The following NPHS2 variants were observed in gnomAD, a reference collection of about 807,000 sequenced individuals.
NPHS2 encodes podocin.
In NPHS2, 36 loss-of-function variants were observed where a neutral mutation model predicts 37.1. That is an observed-to-expected ratio of 0.97 (90% CI 0.74 to 1.28). NPHS2 has a LOEUF of 1.28. Ranked by LOEUF, NPHS2 falls within the 50% of genes most tolerant of loss-of-function variation. The pLI is 0.00. For missense variants in NPHS2, 447 were observed against 488.1 expected (o/e 0.92, Z 0.79); for synonymous variants, 196 against 189.3 (o/e 1.04, Z -0.29).
At chr1:179,572,765 TC>T (rs1311710574) in intron 1 of NPHS2, among the ~76,000 whole-genome samples, 1 of 151,980 alleles carries the variant, frequency 6.6e-6, no homozygotes, top group East Asian at 1.9e-4. Context: ...CTTCTTTCCT[TC>T]CTTCCTTCCC....
At position 179,556,999 on chromosome 1, in the gene NPHS2, A is replaced by T. The variant is rs1673953762; in HGVS notation, c.738+28T>A. 1.3e-6 allele frequency: 2 copies of T among 1,533,774 alleles called. No homozygotes were observed. The highest frequency in any genetic ancestry group is 1.8e-6 in the Non-Finnish European group (2 of 1,110,760). Reference sequence around the variant, plus strand: ...ATGAATAAAAGATAAATATTTCAGCATATTGGCCATTATGTTTATCTAAGT... The same window carrying T: ...ATGAATAAAAGATAAATATTTCAGCTTATTGGCCATTATGTTTATCTAAGT... On this transcript the variant is annotated intron_variant, in intron 5 of 7. Coordinates refer to ENST00000367615, the MANE Select transcript of NPHS2 (RefSeq NM_014625.4). The surrounding 1 kb of genome is among the most constrained non-coding windows in gnomAD (Gnocchi z 4.1).
intron 1 of NPHS2, among the ~76,000 whole-genome samples, chr1:179,566,197 G>A (rs368053076): frequency 5.2e-4 from 79 of 152,170 alleles, no homozygotes; most frequent in Middle Eastern, 3.4e-3. Context: ...GTGTAAAAGC[G>A]TTCCTATTTC....
intron 1 of NPHS2, among the ~76,000 whole-genome samples, chr1:179,575,345 C>T (rs1674716020): frequency 6.6e-6 from 1 of 152,154 alleles, no homozygotes; most frequent in Non-Finnish European, 1.5e-5. Flanking sequence ...CACACTCGCT[C>T]CCCAGTCCCA....
chr1:179,571,179 G>A (rs1464914123), intron 1 of NPHS2, among the ~76,000 whole-genome samples: 1 of 152,146 alleles, frequency 6.6e-6, no homozygotes, highest in African/African-American at 2.4e-5. Flanking sequence ...TTCTGCTCTG[G>A]TTTCTCCCCA....
At chr1:179,570,369 C>T (rs1674505360) in intron 1 of NPHS2, among the ~76,000 whole-genome samples, 1 of 152,182 alleles carries the variant, frequency 6.6e-6, no homozygotes, top group South Asian at 2.1e-4. Context: ...AGCATTGTTT[C>T]TATAGATATT....
chr1:179,558,080 T>C (rs1412136720), intron 4 of NPHS2, among the ~76,000 whole-genome samples: 1 of 152,106 alleles, frequency 6.6e-6, no homozygotes, highest in Non-Finnish European at 1.5e-5. Context: ...AAAATACATA[T>C]ACCATAAAAC....
intron 3 of NPHS2, among the ~76,000 whole-genome samples, chr1:179,560,632 A>G (rs954676692): frequency 2.0e-5 from 3 of 152,030 alleles, no homozygotes; most frequent in Non-Finnish European, 4.4e-5. Flanking sequence ...ACCCTCTCCA[A>G]TATAATATAC....
At chr1:179,552,982 GC>G (rs1308964589) in intron 6 of NPHS2, among the ~76,000 whole-genome samples, 1 of 152,170 alleles carries the variant, frequency 6.6e-6, no homozygotes, top group Non-Finnish European at 1.5e-5. Context: ...TATAATCTAA[GC>G]CCCAACTAAT....
At chr1:179,572,746 TCTTC>T (rs1483358097) in intron 1 of NPHS2, among the ~76,000 whole-genome samples, 4 of 152,026 alleles carry the variant, frequency 2.6e-5, no homozygotes, top group African/African-American at 4.8e-5. Context: ...TTCCTTCCTT[TCTTC>T]CTTCCTTCTT....
intron 2 of NPHS2, among the ~76,000 whole-genome samples, chr1:179,562,700 A>C (rs1487409638): frequency 6.6e-6 from 1 of 152,232 alleles, no homozygotes; most frequent in African/African-American, 2.4e-5. Context: ...CAATTTTATG[A>C]GGCCAGAACA....
At chr1:179,553,120 A>G (rs1673562246) in intron 6 of NPHS2, among the ~76,000 whole-genome samples, 1 of 152,262 alleles carries the variant, frequency 6.6e-6, no homozygotes, top group African/African-American at 2.4e-5. Context: ...ACAACGCTTA[A>G]TGTATTGCAT....
intron 2 of NPHS2, among the ~76,000 whole-genome samples, chr1:179,562,375 A>AC (rs1329652137): frequency 4.6e-5 from 7 of 152,144 alleles, no homozygotes; most frequent in African/African-American, 1.4e-4. Context: ...CAGATGAGGC[A>AC]CTCCTTGATG....
intron 1 of NPHS2, among the ~76,000 whole-genome samples, chr1:179,574,106 C>T (rs1309547394): frequency 6.6e-6 from 1 of 152,174 alleles, no homozygotes; most frequent in Non-Finnish European, 1.5e-5. Flanking sequence ...GCAAAGGTCA[C>T]TTCATCCTTA....
Position 179,551,376 on chromosome 1 carries a change from C to G in NPHS2, c.949G>C (p.Ala317Pro), listed in dbSNP as rs1553312377. 1.2e-6 allele frequency: 2 copies of G among 1,614,068 alleles called. No individual in the cohort carries two copies. The highest frequency in any genetic ancestry group is 2.2e-5 in the South Asian group (2 of 91,078). Residue 317 changes from alanine to proline, a missense_variant, in exon 8 of 8, where the codon GCT (alanine) becomes CCT (proline). Coordinates refer to ENST00000367615, the MANE Select transcript of NPHS2 (RefSeq NM_014625.4). ...TGGAGGTATCGAAGCTGAACGGCAG[C>G]AGGGGTGCCTGACAGAATCTCAGCT... is the stretch of plus-strand genomic sequence containing the variant. ...MAAEILSGTP[A>P]AVQLRYLHTL...
intron 6 of NPHS2, 135 bp downstream of exon 6, chr1:179,554,341 G>A (rs1469323533): frequency 9.9e-7 from 1 of 1,008,658 alleles, no homozygotes; most frequent in Non-Finnish European, 1.5e-6. Flanking sequence ...TAGGTGATTT[G>A]TTTCTCTTTT....
intron 7 of NPHS2, chr1:179,552,292 C>A (rs921676136): frequency 4.6e-6 from 2 of 434,402 alleles, no homozygotes; most frequent in Non-Finnish European, 4.3e-6. Flanking sequence ...TACGATTACC[C>A]AGGAAAAGAT....
intron 7 of NPHS2, 93 bp downstream of exon 7, chr1:179,552,510 C>T (rs1049274598): frequency 1.0e-6 from 1 of 972,954 alleles, no homozygotes; most frequent in Non-Finnish European, 1.6e-6. Context: ...TGCCCAGTGC[C>T]TAATGAATGG....
intron 2 of NPHS2, among the ~76,000 whole-genome samples, chr1:179,562,096 C>T (rs1202627818): frequency 4.6e-5 from 7 of 152,150 alleles, no homozygotes; most frequent in Non-Finnish European, 8.8e-5. Flanking sequence ...CGTGAGCCAC[C>T]GTGGCCAGCC....
intron 5 of NPHS2, among the ~76,000 whole-genome samples, chr1:179,555,867 G>A (rs1471335383): frequency 6.6e-6 from 1 of 152,160 alleles, no homozygotes; most frequent in Non-Finnish European, 1.5e-5. Context: ...GGCCTGTGCT[G>A]AGGACCAAGA....
Sources: allele counts gnomAD v4.1 joint callset (sites outside exome capture counted in the v4.1 genomes callset), GRCh38; gene constraint gnomAD v4.1.1; non-coding constraint Gnocchi (gnomAD v3.1); transcripts MANE v1.5; gene names NCBI Gene and HGNC (gene_info 2026-07-23, HGNC 2026-07-21).